CNBD1: variants seen among roughly 807,000 people sequenced by gnomAD.
CNBD1 encodes the protein cyclic nucleotide-binding domain-containing protein 1.
In CNBD1, 71 loss-of-function variants were observed where a neutral mutation model predicts 54.4. That is an observed-to-expected ratio of 1.30 (90% confidence interval 1.08 to 1.59). The LOEUF is 1.59. Among genes scored for constraint, CNBD1 ranks in the 40% most tolerant of loss-of-function variants. The probability of loss-of-function intolerance (pLI) is 0.00; values close to 1 mark genes in which losing one functional copy is unlikely to be tolerated. For synonymous variants in CNBD1, 182 were observed against 170.7 expected, an observed-to-expected ratio of 1.07 and a Z score of -0.51; for missense variants, 659 against 518.0, an observed-to-expected ratio of 1.27 and a Z score of -2.64.
intron 3 of CNBD1, among the ~76,000 whole-genome samples, chr8:86,939,169 T>C (rs1199111699): frequency 2.0e-5 from 3 of 152,148 alleles, no homozygotes; most frequent in Admixed American, 6.5e-5. Context: ...CCAAGATGTT[T>C]ATAGATTACC....
At chr8:86,975,097 A>T (rs1015847694) in intron 4 of CNBD1, among the ~76,000 whole-genome samples, 7 of 152,182 alleles carry the variant, frequency 4.6e-5, no homozygotes, top group Admixed American at 2.6e-4. Context: ...TTTACATTTT[A>T]AAAAATATTT....
chr8:87,346,008 T>C (rs1038662201), intron 8 of CNBD1, among the ~76,000 whole-genome samples: 2 of 152,140 alleles, frequency 1.3e-5, no homozygotes, highest in Non-Finnish European at 2.9e-5. Flanking sequence ...GATTATAATA[T>C]AAAAAGTCAT....
chr8:86,989,135 G>A (rs1029765230), intron 4 of CNBD1, among the ~76,000 whole-genome samples: 2 of 152,012 alleles, frequency 1.3e-5, no homozygotes, highest in Non-Finnish European at 2.9e-5. Flanking sequence ...AGCCAGGCAT[G>A]GTGACGTGTG....
At chr8:87,224,106 A>C (rs1249198144) in intron 5 of CNBD1, among the ~76,000 whole-genome samples, 2 of 151,280 alleles carry the variant, frequency 1.3e-5, no homozygotes, top group African/African-American at 2.4e-5. Flanking sequence ...TTTTTCTTGT[A>C]AATTTGTTTG....
chr8:87,399,328 C>A lies in CNBD1; in HGVS notation c.214-29218C>A, dbSNP rs1226197826. On this transcript the variant is annotated intron_variant, in intron 2 of 7. Coordinates refer to the CNBD1 transcript ENST00000521593. ...TAGCCTTGGACACTGTGCATGTGCA[C>A]AATAGGAATGATTTAGGGTCACTAG... Among the ~76,000 whole-genome samples, 3 of 152,140 alleles carry A rather than the reference C, an allele frequency of 2.0e-5. No individual in the cohort carries two copies. In the South Asian group the frequency reaches 6.2e-4, roughly 31 times the overall value.
intron 4 of CNBD1, among the ~76,000 whole-genome samples, chr8:87,159,906 A>T (rs1468497630): frequency 6.6e-6 from 1 of 151,954 alleles, no homozygotes; most frequent in Non-Finnish European, 1.5e-5. Flanking sequence ...ATATATTTTT[A>T]ATATTTTAAC....
At chr8:87,390,350 C>A (rs59403716) in intron 2 of CNBD1, among the ~76,000 whole-genome samples, 25,140 of 152,070 alleles carry the variant, frequency 0.17, 2,934 homozygotes, top group African/African-American at 0.34. Context: ...ATCTACTCAT[C>A]TGACAAAGGG....
chr8:87,187,457 C>T (rs1447459281), intron 4 of CNBD1, among the ~76,000 whole-genome samples: 1 of 146,050 alleles, frequency 6.8e-6, no homozygotes, highest in Non-Finnish European at 1.5e-5. Context: ...TAATATATTT[C>T]ATATATCCTT....
chr8:87,107,787 T>C (rs761365589), intron 4 of CNBD1, among the ~76,000 whole-genome samples: 5 of 152,218 alleles, frequency 3.3e-5, no homozygotes, highest in Non-Finnish European at 7.3e-5. Context: ...GGCACTAGTC[T>C]AGACTTAGAA....
chr8:87,401,863 G>A (rs372147416), intron 2 of CNBD1, among the ~76,000 whole-genome samples: 14 of 152,042 alleles, frequency 9.2e-5, no homozygotes, highest in African/African-American at 3.4e-4. Context: ...CAGAATAACA[G>A]GTAGGCCTGA....
intron 3 of CNBD1, among the ~76,000 whole-genome samples, chr8:86,913,050 A>T (rs1809129209): frequency 6.6e-6 from 1 of 152,222 alleles, no homozygotes; most frequent in Admixed American, 6.5e-5. Flanking sequence ...GTTTTAAGCT[A>T]AGTGTTTTTG....
intron 4 of CNBD1, among the ~76,000 whole-genome samples, chr8:86,976,918 AC>A (rs1309461483): frequency 6.6e-6 from 1 of 152,008 alleles, no homozygotes; most frequent in African/African-American, 2.4e-5. Context: ...AGTTTTAACA[AC>A]TTTTTTTTGG....
chr8:87,038,022 G>T (rs897849045), intron 4 of CNBD1, among the ~76,000 whole-genome samples: 8 of 152,162 alleles, frequency 5.3e-5, no homozygotes, highest in African/African-American at 1.4e-4. Flanking sequence ...TTTTCATGGG[G>T]CCTGATGATA....
chr8:87,264,557 G>C (rs1406692929), intron 6 of CNBD1, among the ~76,000 whole-genome samples: 1 of 152,036 alleles, frequency 6.6e-6, no homozygotes, highest in African/African-American at 2.4e-5. Flanking sequence ...AGTTCTAGAT[G>C]CCTGAGGAAT....
Position 86,950,989 on chromosome 8 carries a change from ATCCTTTGAATT to A in CNBD1, c.431+11238_431+11248del, listed in dbSNP as rs571093778. ...CAAAGGATCATAGTGACTACTAATG[ATCCTTTGAATT>A]TCTGCAGTATCAGATGCAATGTTCC... On this transcript the variant is annotated intron_variant, in intron 4 of 10. Transcript: ENST00000518476. Among the ~76,000 whole-genome samples the A allele has an allele frequency of 5.8e-4, 88 of 152,064 alleles. 2 individuals carry two copies. The South Asian group carries it at 0.012, about 21-fold the overall frequency.
chr8:87,401,342 A>G (rs1807560843), intron 2 of CNBD1, among the ~76,000 whole-genome samples: 1 of 152,008 alleles, frequency 6.6e-6, no homozygotes, highest in Non-Finnish European at 1.5e-5. Context: ...TGATTCCTTC[A>G]GAAGGGGAAA....
At chr8:87,231,909 C>T (rs562297282) in intron 5 of CNBD1, among the ~76,000 whole-genome samples, 1 of 152,260 alleles carries the variant, frequency 6.6e-6, no homozygotes, top group East Asian at 1.9e-4. Flanking sequence ...CTTTATATTT[C>T]TTCCCAGTCA....
At chr8:87,187,443 G>A (rs1813503519) in intron 4 of CNBD1, among the ~76,000 whole-genome samples, 1 of 150,738 alleles carries the variant, frequency 6.6e-6, no homozygotes, top group African/African-American at 2.5e-5. Context: ...TGCTAAAGAG[G>A]GAATAATATA....
chr8:87,310,076 C>G (rs1215363629), intron 8 of CNBD1, among the ~76,000 whole-genome samples: 3 of 152,200 alleles, frequency 2.0e-5, no homozygotes, highest in Middle Eastern at 3.4e-3. Context: ...CAATCCCAGA[C>G]AGATATGGTG....
Sources: gnomAD v4.1 joint callset for allele counts (sites outside exome capture counted in the v4.1 genomes callset) on GRCh38, gnomAD v4.1.1 for gene constraint, MANE v1.5 for transcripts, NCBI Gene and HGNC (gene_info 2026-07-23, HGNC 2026-07-21) for gene names.